The following TSPAN4 variants were observed in gnomAD, a reference collection of about 807,000 sequenced individuals.
TSPAN4 encodes the protein tetraspanin-4.
In TSPAN4, 38 loss-of-function variants were observed where a neutral mutation model predicts 31.5. That is an observed-to-expected ratio of 1.21 (90% CI 0.93 to 1.58). The LOEUF (loss-of-function observed/expected upper bound fraction) is 1.58, where lower values mean the gene tolerates loss of function less well. Ranked by LOEUF, TSPAN4 falls within the 40% of genes most tolerant of loss-of-function variation. The pLI, the probability that TSPAN4 is intolerant of heterozygous loss-of-function variation, is 0.00. For missense variants in TSPAN4, 330 were observed against 317.3 expected (o/e 1.04, Z -0.30); for synonymous variants, 186 against 144.6 (o/e 1.29, Z -2.06).
chr11:866,450 C>A, intron 8 of TSPAN4, 112 bp from the exon 9 acceptor site: 2 of 972,126 alleles, frequency 2.1e-6, no homozygotes, highest in South Asian at 1.7e-5. Context: ...CTGTGTCGCC[C>A]ACCCTGGGGT....
chr11:855,291 C>T (rs557326791), intron 3 of TSPAN4, among the ~76,000 whole-genome samples: 66 of 152,308 alleles, frequency 4.3e-4, no homozygotes, highest in African/African-American at 1.6e-3. Context: ...CGCAGGGGGA[C>T]GGGAGTGAGC....
chr11:852,520 G>C (rs368670085), intron 3 of TSPAN4, among the ~76,000 whole-genome samples: 4 of 152,370 alleles, frequency 2.6e-5, no homozygotes, highest in African/African-American at 9.6e-5. Context: ...TGCCCAGTGG[G>C]GGTCTAAGGG....
In TSPAN4 at chr11:865,578, G is replaced by T. The variant is rs377580625; in HGVS notation, c.396G>T (p.Val132=). The T allele has an allele frequency of 1.7e-5, 27 of 1,612,814 alleles. No homozygotes were observed. In the African/African-American group the frequency reaches 1.7e-4, roughly 10 times the overall value. The part of the protein sequence containing the change: ...GLHLYGTQGN[V]GLTNAWSIIQ... ...ACCTGTACGGCACGCAGGGCAACGT[G>T]GGCCTCACCAACGCCTGGAGCATCA... Residue 132 remains valine (V), a synonymous_variant, in exon 6 of 9, where the codon GTG becomes GTT. Coordinates refer to ENST00000397397, the MANE Select transcript of TSPAN4 (RefSeq NM_003271.5).
intron 8 of TSPAN4, 25 bp downstream of exon 8, chr11:866,026 C>T: frequency 6.2e-7 from 1 of 1,608,782 alleles, no homozygotes; most frequent in African/African-American, 1.3e-5. Flanking sequence ...CCTGCGGGCT[C>T]CCTGCCCCCA....
At chr11:843,799 G>C (rs1328241331) in intron 1 of TSPAN4, 1 of 152,944 alleles carries the variant, frequency 6.5e-6, no homozygotes, top group South Asian at 2.0e-4. Context: ...TGCCGGCCTG[G>C]GGCTTCTGGC....
chr11:856,971 A>AGGGC (rs1848082031), intron 3 of TSPAN4: 1 of 152,272 alleles, frequency 6.6e-6, no homozygotes, highest in South Asian at 2.1e-4. Flanking sequence ...GGGGGACGCC[A>AGGGC]GGTTGCAGGG....
At chr11:849,651 C>G (rs1261840232) in intron 2 of TSPAN4, among the ~76,000 whole-genome samples, 7 of 151,620 alleles carry the variant, frequency 4.6e-5, no homozygotes, top group African/African-American at 1.7e-4. Flanking sequence ...GGGGCGCCGG[C>G]GCGGGCGAAG....
intron 1 of TSPAN4, chr11:843,227 G>C (rs1334468263): frequency 6.6e-6 from 1 of 152,246 alleles, no homozygotes; most frequent in Non-Finnish European, 1.5e-5. Context: ...GCCCCTAGGG[G>C]CGCCGCCCTG....
chr11:851,100 G>C (rs1436577758), intron 3 of TSPAN4, among the ~76,000 whole-genome samples: 1 of 152,228 alleles, frequency 6.6e-6, no homozygotes, highest in Non-Finnish European at 1.5e-5. Flanking sequence ...GGGCGGACAG[G>C]GTTCCACCCC....
Position 862,524 on chromosome 11 carries a change from G to C in TSPAN4, c.64-26G>C, listed in dbSNP as rs746148199. The C allele has an allele frequency of 5.1e-6, 8 of 1,583,146 alleles. No individual in the cohort carries two copies. In the African/African-American group the frequency reaches 9.4e-5, roughly 19 times the overall value. ...CTTGCATTGGGGCCTCACCCTGTCT[G>C]TGTCTCTCCTGTTGCTGTGCCCCAG... On this transcript the variant is annotated intron_variant, in intron 3 of 8. Coordinates refer to ENST00000397397, the MANE Select transcript of TSPAN4 (RefSeq NM_003271.5).
Position 866,779 on chromosome 11 carries a change from T to C in TSPAN4, c.*149T>C. On this transcript the variant is annotated 3_prime_UTR_variant, in exon 9 of 9. Transcript: ENST00000397397. ...GGTGCCTGGAGCCCCCGGAACCCTG[T>C]TTCTGGAAGGCCCTAGCTCAGGTGG... 1 of 851,838 alleles carries C rather than the reference T, an allele frequency of 1.2e-6. No individual in the cohort carries two copies. Among genetic ancestry groups the C allele is most frequent in the Non-Finnish European group, 1.7e-6 (1 of 573,408 alleles). 52.8% of individuals were successfully genotyped at this position (851,838 alleles called of 1,614,324 possible).
At chr11:860,591 T>TA (rs1848401324) in intron 3 of TSPAN4, among the ~76,000 whole-genome samples, 1 of 152,092 alleles carries the variant, frequency 6.6e-6, no homozygotes, top group African/African-American at 2.4e-5. Context: ...TGGGCTGGTG[T>TA]TGCAGGTGGG....
At chr11:854,246 C>T (rs555440232) in intron 3 of TSPAN4, among the ~76,000 whole-genome samples, 58 of 152,342 alleles carry the variant, frequency 3.8e-4, no homozygotes, top group African/African-American at 1.3e-3. Flanking sequence ...TCCCCTTTCT[C>T]TTCACCCGCA....
intron 3 of TSPAN4, among the ~76,000 whole-genome samples, chr11:860,819 G>C (rs1462183672): frequency 6.6e-6 from 1 of 152,128 alleles, no homozygotes; most frequent in Non-Finnish European, 1.5e-5. Context: ...GGGTGGCTTT[G>C]CCAGCCCATT....
intron 4 of TSPAN4, chr11:864,024 C>T: frequency 4.2e-6 from 1 of 236,300 alleles, no homozygotes; most frequent in Non-Finnish European, 8.5e-6. Context: ...GCTGGGACAT[C>T]TTCCCACCAT....
At position 848,439 on chromosome 11, in the gene TSPAN4, C is replaced by G. The variant is rs1025564675; in HGVS notation, c.-18+1139C>G. On this transcript the variant is annotated intron_variant, in intron 2 of 8. Coordinates refer to ENST00000397397, the MANE Select transcript of TSPAN4 (RefSeq NM_003271.5). The surrounding 1 kb of genome is among the most constrained non-coding windows in gnomAD (Gnocchi z 5.7). Reference sequence around the variant, plus strand: ...CGAGGACCTGGGCATGGGGTGCTGCCCTGGGGCTTGGGCTGCAGTTCTCTA... The same window carrying G: ...CGAGGACCTGGGCATGGGGTGCTGCGCTGGGGCTTGGGCTGCAGTTCTCTA... Among the ~76,000 whole-genome samples the G allele has an allele frequency of 2.6e-5, 4 of 152,154 alleles. No homozygotes were observed. The highest frequency in any genetic ancestry group is 9.6e-5 in the African/African-American group (4 of 41,524).
intron 3 of TSPAN4, among the ~76,000 whole-genome samples, chr11:853,777 G>T (rs572063946): frequency 1.3e-5 from 2 of 152,356 alleles, no homozygotes; most frequent in Admixed American, 1.3e-4. Flanking sequence ...TGGCAGCTCC[G>T]CTGGGGCACA....
chr11:855,186 C>T (rs115593645), intron 3 of TSPAN4, among the ~76,000 whole-genome samples: 59 of 152,230 alleles, frequency 3.9e-4, no homozygotes, highest in African/African-American at 1.3e-3. Flanking sequence ...GCAGGCAGGC[C>T]GGGCCTCTGT....
chr11:848,673 CCT>C lies in TSPAN4; in HGVS notation c.-18+1377_-18+1378del. 1 of 499,182 alleles carries C rather than the reference CCT, an allele frequency of 2.0e-6. No homozygotes were observed. The highest frequency in any genetic ancestry group is 3.0e-5 in the South Asian group (1 of 33,326). The allele number at this position is 499,182 out of a possible 1,614,324, so 30.9% of individuals were successfully genotyped here. A position where few individuals can be genotyped will look rare whatever the true frequency, so the allele number is the denominator to read the frequency against. On this transcript the variant is annotated intron_variant, in intron 2 of 8. Coordinates refer to ENST00000397397, the MANE Select transcript of TSPAN4 (RefSeq NM_003271.5). The surrounding 1 kb of genome is among the most constrained non-coding windows in gnomAD (Gnocchi z 5.7). ...GCACCCCCTTCCCCTCCCTTAGCTTCCTCTCCCTCCTCTTCCTCCTGCCCTTC... is the reference window on the plus strand; with the variant it reads ...GCACCCCCTTCCCCTCCCTTAGCTTCCTCCCTCCTCTTCCTCCTGCCCTTC...
Sources: gnomAD v4.1 joint callset for allele counts (sites outside exome capture counted in the v4.1 genomes callset) on GRCh38, gnomAD v4.1.1 for gene constraint, Gnocchi (gnomAD v3.1) non-coding constraint, MANE v1.5 for transcripts, NCBI Gene and HGNC (gene_info 2026-07-23, HGNC 2026-07-21) for gene names.